ATP7A: variants seen among roughly 807,000 people sequenced by gnomAD.
ATP7A encodes copper-transporting ATPase 1.
Under a neutral mutation model 83.5 loss-of-function variants are expected in ATP7A, and 7 were observed. The observed-to-expected ratio is 0.08, with a 90% CI of 0.05 to 0.16. The LOEUF is 0.16. ATP7A is among the 10% of genes least tolerant of loss of function. ATP7A has a pLI of 1.00. For synonymous variants in ATP7A, 354 were observed against 395.2 expected (o/e 0.90, Z 1.24); for missense variants, 940 against 1,120.8 (o/e 0.84, Z 2.30).
chrX:77,949,223 C>A (rs2077400512), intron 1 of ATP7A, among the ~76,000 whole-genome samples: 1 of 112,074 alleles, frequency 8.9e-6, no homozygotes, highest in South Asian at 3.7e-4. Flanking sequence ...GGGCCACAAC[C>A]TTTTCTTTGC....
chrX:77,973,567 T>C (rs1319998591), intron 2 of ATP7A, among the ~76,000 whole-genome samples: 1 of 112,670 alleles, frequency 8.9e-6, no homozygotes, highest in Non-Finnish European at 1.9e-5. Context: ...TTTTCATGTG[T>C]TTATTAGGCA....
At chrX:78,039,478 G>A (rs1017802585) in intron 18 of ATP7A, among the ~76,000 whole-genome samples, 11 of 110,597 alleles carry the variant, frequency 9.9e-5, no homozygotes, top group East Asian at 2.8e-4. Flanking sequence ...GATTACAGGC[G>A]CGCACCACCA....
intron 2 of ATP7A, among the ~76,000 whole-genome samples, chrX:77,981,471 C>T (rs1557230892): frequency 1.8e-5 from 2 of 111,536 alleles, no homozygotes; most frequent in Admixed American, 1.9e-4. Flanking sequence ...ATTTTTATAG[C>T]GAACAATCAT....
At chrX:77,942,990 A>G (rs1483795291) in intron 1 of ATP7A, among the ~76,000 whole-genome samples, 2 of 108,429 alleles carry the variant, frequency 1.8e-5, no homozygotes, top group African/African-American at 3.4e-5. Flanking sequence ...AACTTTTTGT[A>G]TTTTTTTAGT....
At chrX:77,931,379 A>G (rs2077273537) in intron 1 of ATP7A, among the ~76,000 whole-genome samples, 1 of 111,689 alleles carries the variant, frequency 9.0e-6, no homozygotes, top group African/African-American at 3.3e-5. Flanking sequence ...TTTTCTTAGT[A>G]CGGAACAAAA....
intron 1 of ATP7A, among the ~76,000 whole-genome samples, chrX:77,947,063 A>G (rs1603374445): frequency 1.8e-5 from 2 of 112,264 alleles, no homozygotes; most frequent in Admixed American, 9.5e-5. Context: ...TATATATGAT[A>G]TAATAGAACA....
chrX:77,983,955 G>A (rs2077620136), intron 2 of ATP7A, among the ~76,000 whole-genome samples: 1 of 111,808 alleles, frequency 8.9e-6, no homozygotes, highest in Non-Finnish European at 1.9e-5. Context: ...AAAGTGCTGG[G>A]ATTACAGGCA....
At chrX:78,019,721 C>A (rs1486273962) in intron 12 of ATP7A, among the ~76,000 whole-genome samples, 3 of 110,970 alleles carry the variant, frequency 2.7e-5, no homozygotes, top group African/African-American at 9.9e-5. Flanking sequence ...GCCTCAGCCT[C>A]CCAAAGTGCT....
At chrX:77,934,347 A>G (rs1557224852) in intron 1 of ATP7A, among the ~76,000 whole-genome samples, 2 of 111,333 alleles carry the variant, frequency 1.8e-5, no homozygotes, top group Non-Finnish European at 3.8e-5. Context: ...GAGCCCAGAA[A>G]TTTGAGGCTG....
chrX:78,024,427 C>T (rs2077928825), intron 14 of ATP7A, among the ~76,000 whole-genome samples: 1 of 111,886 alleles, frequency 8.9e-6, no homozygotes, highest in Non-Finnish European at 1.9e-5. Flanking sequence ...AGATCATCTC[C>T]TGCCACACCC....
intron 1 of ATP7A, among the ~76,000 whole-genome samples, chrX:77,932,713 G>A (rs781821311): frequency 8.9e-6 from 1 of 112,969 alleles, no homozygotes; most frequent in South Asian, 3.6e-4. Flanking sequence ...GACCAGCCCG[G>A]CCAACACAGC....
At chrX:77,969,900 T>C (rs2149072671) in intron 1 of ATP7A, among the ~76,000 whole-genome samples, 1 of 112,137 alleles carries the variant, frequency 8.9e-6, no homozygotes, top group African/African-American at 3.2e-5. Flanking sequence ...GGAAGTGTAT[T>C]ACTTAATTAT....
intron 1 of ATP7A, among the ~76,000 whole-genome samples, chrX:77,960,974 G>A (rs2077471069): frequency 1.8e-5 from 2 of 111,496 alleles, no homozygotes; most frequent in South Asian, 3.7e-4. Context: ...AAATGAAAAC[G>A]ATGGACATAA....
intron 14 of ATP7A, among the ~76,000 whole-genome samples, chrX:78,025,823 C>A (rs1435481745): frequency 9.0e-6 from 1 of 110,721 alleles, no homozygotes; most frequent in Admixed American, 9.6e-5. Flanking sequence ...CCAGGAATTT[C>A]ATATCCTGCC....
intron 1 of ATP7A, among the ~76,000 whole-genome samples, chrX:77,940,811 A>G (rs2077347283): frequency 8.9e-6 from 1 of 111,887 alleles, no homozygotes. Flanking sequence ...AAATCTCACA[A>G]AGTTATTGGA....
intron 1 of ATP7A, chrX:77,966,979 A>G (rs1016519749): frequency 4.0e-6 from 1 of 252,849 alleles, no homozygotes; most frequent in Non-Finnish European, 7.6e-6. Context: ...TTCAACTCCC[A>G]TTTATGAACA....
At chrX:77,969,638 T>G in intron 1 of ATP7A, 1 of 1,211,736 alleles carries the variant, frequency 8.3e-7, no homozygotes, top group Non-Finnish European at 1.1e-6. Context: ...TAGGCGGCCA[T>G]GGCGGTGGGC....
At chrX:77,938,113 A>G (rs2077330693) in intron 1 of ATP7A, among the ~76,000 whole-genome samples, 1 of 112,073 alleles carries the variant, frequency 8.9e-6, no homozygotes, top group African/African-American at 3.2e-5. Context: ...TGTCACATGA[A>G]AAGTCATAGA....
chrX:78,018,247 G>C (rs782762381), intron 12 of ATP7A, among the ~76,000 whole-genome samples: 2 of 107,279 alleles, frequency 1.9e-5, no homozygotes, highest in African/African-American at 3.4e-5. Context: ...GCTCATGCCT[G>C]TAATCCCAGC....
Sources: allele counts gnomAD v4.1 joint callset (sites outside exome capture counted in the v4.1 genomes callset), GRCh38; gene constraint gnomAD v4.1.1; transcripts MANE v1.5; gene names NCBI Gene and HGNC (gene_info 2026-07-23, HGNC 2026-07-21).